Variants in ARSG observed in about 807,000 individuals in gnomAD.
ARSG encodes the protein ASG.
ARSG carries 37 observed loss-of-function variants against 50.5 expected under a neutral mutation model. That is an observed-to-expected ratio of 0.73 (90% CI 0.56 to 0.96). The LOEUF (loss-of-function observed/expected upper bound fraction) is 0.96, where lower values mean the gene tolerates loss of function less well. Among genes scored for constraint, ARSG ranks in the 50% least tolerant of loss-of-function variants. The pLI is 0.00. For missense variants in ARSG, 629 were observed against 675.3 expected, an observed-to-expected ratio of 0.93 and a Z score of 0.76; for synonymous variants, 225 against 254.6, an observed-to-expected ratio of 0.88 and a Z score of 1.11.
At chr17:68,310,883 C>A (rs1278845367) in intron 2 of ARSG, among the ~76,000 whole-genome samples, 1 of 152,188 alleles carries the variant, frequency 6.6e-6, no homozygotes, top group Admixed American at 6.5e-5. Flanking sequence ...AAGGATAAAA[C>A]CCATACCCCA....
downstream of ARSG, chr17:68,424,330 C>A: frequency 2.2e-6 from 1 of 449,436 alleles, no homozygotes; most frequent in Non-Finnish European, 4.5e-6. Flanking sequence ...CACAAAACAA[C>A]AGCCCCAGCC....
upstream of ARSG, among the ~76,000 whole-genome samples, chr17:68,287,315 CCTT>C (rs756543688): frequency 7.3e-4 from 111 of 151,818 alleles, no homozygotes; most frequent in Middle Eastern, 6.8e-3. Flanking sequence ...GCATGCCCAG[CCTT>C]CTTCTTCTTC....
At chr17:68,336,087 C>T (rs2078004809) in intron 2 of ARSG, among the ~76,000 whole-genome samples, 1 of 151,402 alleles carries the variant, frequency 6.6e-6, no homozygotes, top group Non-Finnish European at 1.5e-5. Context: ...TTAGTAGAGA[C>T]GGGGTTTCAC....
At chr17:68,374,202 A>C (rs959905528) in intron 8 of ARSG, among the ~76,000 whole-genome samples, 1 of 151,304 alleles carries the variant, frequency 6.6e-6, no homozygotes, top group East Asian at 1.9e-4. Context: ...GAAATACAGC[A>C]TAAATGGGAG....
Position 68,420,493 on chromosome 17 carries a change from T to C in ARSG, c.*30T>C. On this transcript the variant is annotated 3_prime_UTR_variant, in exon 12 of 12. Coordinates refer to ENST00000621439, the MANE Select transcript of ARSG (RefSeq NM_001267727.2). ...CCAATTTTTATTCCACGAGGAGGAG[T>C]ACCTGGAAATTAGGCAAGTTTGCTT... 6.3e-7 allele frequency: 1 copy of C among 1,594,892 alleles called. No individual in the cohort carries two copies.
downstream of ARSG, chr17:68,422,047 G>T (rs1435852278): frequency 6.9e-6 from 4 of 579,138 alleles, no homozygotes; most frequent in Non-Finnish European, 1.2e-5. Flanking sequence ...ATGTCTCTGT[G>T]TGTGTGTGTA....
intron 8 of ARSG, among the ~76,000 whole-genome samples, chr17:68,380,659 A>G (rs1415827242): frequency 1.3e-5 from 2 of 152,166 alleles, no homozygotes; most frequent in Non-Finnish European, 2.9e-5. Flanking sequence ...ATGTGTCTTA[A>G]TTAAATGTTT....
chr17:68,294,785 T>C (rs1422018283), intron 1 of ARSG, among the ~76,000 whole-genome samples: 1 of 152,168 alleles, frequency 6.6e-6, no homozygotes, highest in South Asian at 2.1e-4. Context: ...CTAGCAACAG[T>C]GAACCGATGG....
intron 2 of ARSG, among the ~76,000 whole-genome samples, chr17:68,336,196 GTCT>G (rs1174162903): frequency 6.6e-6 from 1 of 151,236 alleles, no homozygotes; most frequent in Non-Finnish European, 1.5e-5. Flanking sequence ...ACCGTGCCTG[GTCT>G]TCTTTCTTTT....
intron 1 of ARSG, among the ~76,000 whole-genome samples, chr17:68,297,207 A>G (rs921917586): frequency 3.3e-5 from 5 of 152,250 alleles, no homozygotes; most frequent in Admixed American, 6.5e-5. Context: ...TTCAATTAAC[A>G]TCAACAAAGG....
chr17:68,437,881 C>A, the ARSG span, among the ~76,000 whole-genome samples: 2 of 141,340 alleles, frequency 1.4e-5, no homozygotes, highest in Middle Eastern at 3.8e-3. Context: ...GCAGTGAATT[C>A]CAGCAATTCC....
intron 1 of ARSG, chr17:68,274,060 G>A: frequency 6.2e-7 from 1 of 1,612,742 alleles, no homozygotes. Flanking sequence ...TCAGGACTGT[G>A]GCGAGGGGAG....
At chr17:68,383,965 G>C (rs918667234) in intron 8 of ARSG, among the ~76,000 whole-genome samples, 2 of 152,186 alleles carry the variant, frequency 1.3e-5, no homozygotes, top group African/African-American at 4.8e-5. Flanking sequence ...AGAGTCCTAA[G>C]AATGCTGAGC....
At chr17:68,300,974 C>T (rs942703524) in intron 1 of ARSG, among the ~76,000 whole-genome samples, 7 of 151,716 alleles carry the variant, frequency 4.6e-5, no homozygotes, top group Non-Finnish European at 1.0e-4. Context: ...AAAAATTAGC[C>T]GGGCGTGGTG....
intron 2 of ARSG, among the ~76,000 whole-genome samples, chr17:68,321,860 T>C (rs928966350): frequency 6.6e-6 from 1 of 152,204 alleles, no homozygotes; most frequent in Non-Finnish European, 1.5e-5. Context: ...TGAACTGGCC[T>C]GAGCCTGCCC....
intron 2 of ARSG, among the ~76,000 whole-genome samples, chr17:68,326,938 A>AAACACAACTG (rs1164874774): frequency 6.6e-6 from 1 of 152,178 alleles, no homozygotes; most frequent in African/African-American, 2.4e-5. Flanking sequence ...CTCTACAGCA[A>AAACACAACTG]AACACAACTG....
At chr17:68,336,035 A>T (rs1391614822) in intron 2 of ARSG, among the ~76,000 whole-genome samples, 2 of 151,994 alleles carry the variant, frequency 1.3e-5, no homozygotes, top group Non-Finnish European at 2.9e-5. Context: ...AGTAGCTGGG[A>T]CTACAGACAC....
chr17:68,317,727 A>G (rs1056444723), intron 2 of ARSG, among the ~76,000 whole-genome samples: 1 of 152,236 alleles, frequency 6.6e-6, no homozygotes, highest in African/African-American at 2.4e-5. Flanking sequence ...TTTAAAAATG[A>G]TAAGATAGCC....
the ARSG span, among the ~76,000 whole-genome samples, chr17:68,433,146 T>C: frequency 6.6e-6 from 1 of 152,292 alleles, no homozygotes; most frequent in Non-Finnish European, 1.5e-5. Context: ...ACTTTAGATC[T>C]GCAGACTCAT....
Sources: allele counts gnomAD v4.1 joint callset (sites outside exome capture counted in the v4.1 genomes callset), GRCh38; gene constraint gnomAD v4.1.1; transcripts MANE v1.5; gene names NCBI Gene and HGNC (gene_info 2026-07-23, HGNC 2026-07-21).